SLC6A6: variants seen among roughly 807,000 people sequenced by gnomAD.
SLC6A6 encodes solute carrier family 6 member 6.
SLC6A6 carries 16 observed loss-of-function variants against 68.8 expected under a neutral mutation model. That is an observed-to-expected ratio of 0.23 (90% CI 0.16 to 0.35). The LOEUF is 0.35. Among genes scored for constraint, SLC6A6 ranks in the 10% least tolerant of loss-of-function variants. The pLI, the probability that SLC6A6 is intolerant of heterozygous loss-of-function variation, is 1.00. For missense variants in SLC6A6, 474 were observed against 802.8 expected (o/e 0.59, Z 4.95); for synonymous variants, 312 against 315.4 (o/e 0.99, Z 0.12).
chr3:14,480,118 A>C (rs1700974499), intron 13 of SLC6A6, among the ~76,000 whole-genome samples: 1 of 152,230 alleles, frequency 6.6e-6, no homozygotes, highest in African/African-American at 2.4e-5. Context: ...TTGTAAAACC[A>C]GGAGACTGTG....
In SLC6A6 at chr3:14,445,664, C is replaced by T. The variant is rs575749642; in HGVS notation, c.230-53C>T. The stretch of plus-strand genomic sequence containing the variant: ...GCTGGGAGGGCTTGGGAGCCTTCTG[C>T]GTCGGCGCTGCCATGGCCACAGCCT... On this transcript the variant is annotated intron_variant, in intron 3 of 14. Coordinates refer to ENST00000622186, the MANE Select transcript of SLC6A6 (RefSeq NM_003043.6). 8.9e-5 allele frequency: 143 copies of T among 1,607,606 alleles called. No homozygotes were observed. The African/African-American group carries it at 1.4e-3, about 16-fold the overall frequency.
At chr3:14,425,360 G>A (rs890563834) in intron 2 of SLC6A6, among the ~76,000 whole-genome samples, 6 of 152,208 alleles carry the variant, frequency 3.9e-5, no homozygotes, top group Non-Finnish European at 5.9e-5. Context: ...GAGTCCCGCA[G>A]GAGCTGCCTG....
chr3:14,465,293 G>A (rs1000997019), intron 6 of SLC6A6, among the ~76,000 whole-genome samples: 1 of 152,212 alleles, frequency 6.6e-6, no homozygotes, highest in Non-Finnish European at 1.5e-5. Flanking sequence ...TGGCCACATC[G>A]TTTCTAGTCC....
At chr3:14,458,358 A>C (rs1700417786) in intron 6 of SLC6A6, among the ~76,000 whole-genome samples, 1 of 152,252 alleles carries the variant, frequency 6.6e-6, no homozygotes, top group South Asian at 2.1e-4. Context: ...CCAGGCTCTC[A>C]GGAGCCTACA....
chr3:14,443,904 A>G, intron 3 of SLC6A6, 41 bp downstream of exon 3: 1 of 1,417,298 alleles, frequency 7.1e-7, no homozygotes, highest in Non-Finnish European at 1.0e-6. Context: ...ATCCAGTACA[A>G]AGCCGCCTTA....
intron 10 of SLC6A6, among the ~76,000 whole-genome samples, chr3:14,476,849 G>A (rs1028630019): frequency 6.6e-6 from 1 of 152,274 alleles, no homozygotes; most frequent in African/African-American, 2.4e-5. Context: ...CAGAGGGTCA[G>A]CATTGGCTTC....
intron 5 of SLC6A6, among the ~76,000 whole-genome samples, chr3:14,454,324 C>T (rs1700321001): frequency 6.6e-6 from 1 of 152,188 alleles, no homozygotes; most frequent in Non-Finnish European, 1.5e-5. Context: ...GGAGCCTGTG[C>T]AGCTTCCTCC....
rs969245425 is a variant in SLC6A6 at position 14,445,823 on chromosome 3, C to T, written c.336C>T (p.Cys112=). 3 of 1,614,206 alleles carry T rather than the reference C, an allele frequency of 1.9e-6. No homozygotes were observed. Among genetic ancestry groups the T allele is most frequent in the African/African-American group, 2.7e-5 (2 of 75,062 alleles). Reference sequence around the variant, plus strand: ...ACACCTCTGAAGGGGGCATCACCTGCTGGGAAAAGATCTGCCCCTTGTTCT... The same window carrying T: ...ACACCTCTGAAGGGGGCATCACCTGTTGGGAAAAGATCTGCCCCTTGTTCT... ...GQYTSEGGIT[C]WEKICPLFSG... Residue 112 remains cysteine (C), a synonymous_variant, in exon 4 of 15, where the codon TGC becomes TGT. Coordinates refer to ENST00000622186, the MANE Select transcript of SLC6A6 (RefSeq NM_003043.6).
rs202158519 is a variant in SLC6A6 at position 14,457,921 on chromosome 3, C to T, written c.600-29C>T. Reference sequence around the variant, plus strand: ...CTCTACTCCAGGGCCAGGCCCCTCACTGACTCCTGGCTCTGTGTTTGCTTC... The same window carrying T: ...CTCTACTCCAGGGCCAGGCCCCTCATTGACTCCTGGCTCTGTGTTTGCTTC... On this transcript the variant is annotated intron_variant, in intron 5 of 14. Transcript: ENST00000622186. 148 of 1,612,862 alleles carry T rather than the reference C, an allele frequency of 9.2e-5. No individual in the cohort carries two copies. In the East Asian group the frequency reaches 3.3e-3, roughly 35 times the overall value.
chr3:14,407,076 G>T (rs1057131851), intron 1 of SLC6A6, among the ~76,000 whole-genome samples: 1 of 151,750 alleles, frequency 6.6e-6, no homozygotes, highest in South Asian at 2.1e-4. Flanking sequence ...TTGAGACAGG[G>T]TCTGACTTCG....
intron 9 of SLC6A6, among the ~76,000 whole-genome samples, chr3:14,470,391 C>G (rs765138788): frequency 3.2e-4 from 49 of 152,106 alleles, no homozygotes; most frequent in Non-Finnish European, 6.0e-4. Context: ...GCAAACAAGA[C>G]GTGGCATGGC....
intron 2 of SLC6A6, among the ~76,000 whole-genome samples, chr3:14,426,033 A>G (rs1197464693): frequency 6.6e-6 from 1 of 152,202 alleles, no homozygotes; most frequent in Non-Finnish European, 1.5e-5. Flanking sequence ...GATTGAGGCC[A>G]GCTGCCACCC....
Position 14,484,968 on chromosome 3 carries a change from C to T in SLC6A6, c.1824C>T (p.Leu608=), listed in dbSNP as rs1423397444. The T allele has an allele frequency of 1.6e-5, 26 of 1,613,056 alleles. No homozygotes were observed. The highest frequency in any genetic ancestry group is 1.7e-4 in the Middle Eastern group (1 of 5,736). The stretch of plus-strand genomic sequence containing the variant: ...CTCGCACCGTCATGAACGGCGCTCT[C>T]GTGAAACCGACCCACATCATTGTGG... ...YNSRTVMNGA[L]VKPTHIIVET... is the part of the protein sequence containing the mutation. The change falls in exon 15 of 15, where the codon CTC becomes CTT. Residue 608 remains leucine (L), a synonymous_variant. Coordinates refer to ENST00000622186, the MANE Select transcript of SLC6A6 (RefSeq NM_003043.6).
intron 2 of SLC6A6, among the ~76,000 whole-genome samples, chr3:14,420,768 G>A (rs1293804010): frequency 2.0e-5 from 3 of 152,186 alleles, no homozygotes; most frequent in Non-Finnish European, 2.9e-5. Flanking sequence ...ACAGGCATGA[G>A]CCACCGCGCC....
chr3:14,413,696 C>A (rs1319864555), intron 1 of SLC6A6, among the ~76,000 whole-genome samples: 2 of 151,942 alleles, frequency 1.3e-5, no homozygotes, highest in African/African-American at 4.8e-5. Context: ...TGGCTGTGTG[C>A]CTGGGGCCGG....
intron 2 of SLC6A6, among the ~76,000 whole-genome samples, chr3:14,419,195 T>C (rs1321504483): frequency 2.6e-5 from 4 of 152,252 alleles, no homozygotes; most frequent in East Asian, 1.9e-4. Flanking sequence ...CTCAGACTTA[T>C]CTGATGCTCC....
chr3:14,406,518 C>A (rs1699111734), intron 1 of SLC6A6, among the ~76,000 whole-genome samples: 1 of 152,210 alleles, frequency 6.6e-6, no homozygotes, highest in Non-Finnish European at 1.5e-5. Context: ...TTGCCCTGAA[C>A]TCTTTCTGTA....
At chr3:14,453,485 T>A (rs761884882) in intron 5 of SLC6A6, among the ~76,000 whole-genome samples, 2 of 152,198 alleles carry the variant, frequency 1.3e-5, no homozygotes, top group African/African-American at 2.4e-5. Context: ...TCTGAGTGAT[T>A]TCAGGTGCAT....
chr3:14,467,437 G>A (rs752902635), intron 7 of SLC6A6, among the ~76,000 whole-genome samples: 53 of 152,192 alleles, frequency 3.5e-4, no homozygotes, highest in Non-Finnish European at 6.8e-4. Flanking sequence ...CTTGACTTAC[G>A]GGCTTGCCAT....
Sources: allele counts gnomAD v4.1 joint callset (sites outside exome capture counted in the v4.1 genomes callset), GRCh38; gene constraint gnomAD v4.1.1; transcripts MANE v1.5; gene names NCBI Gene and HGNC (gene_info 2026-07-23, HGNC 2026-07-21).